The following WHRN variants were observed in gnomAD, a reference collection of about 807,000 sequenced individuals.
The protein encoded by WHRN is CASK-interacting protein CIP98.
Under a neutral mutation model 68.3 loss-of-function variants are expected in WHRN, and 41 were observed. The ratio of observed to expected loss-of-function variants is 0.60; its 90% confidence interval spans 0.47 to 0.78. The LOEUF (loss-of-function observed/expected upper bound fraction) is 0.78, where lower values mean the gene tolerates loss of function less well. WHRN is among the 30% of genes least tolerant of loss of function. The probability of loss-of-function intolerance (pLI) is 0.00; values close to 1 mark genes in which losing one functional copy is unlikely to be tolerated. For missense variants in WHRN, 1,243 were observed against 1,244.7 expected (o/e 1.00, Z 0.02); for synonymous variants, 560 against 561.3 (o/e 1.00, Z 0.03).
intron 3 of WHRN, among the ~76,000 whole-genome samples, chr9:114,445,187 G>A (rs950139735): frequency 3.2e-4 from 48 of 152,058 alleles, no homozygotes; most frequent in African/African-American, 1.0e-3. Context: ...GATTACAGGC[G>A]TGCACCACCA....
At position 114,493,961 on chromosome 9, in the gene WHRN, G is replaced by A. The variant is rs552388479; in HGVS notation, c.618+10223C>T. ...CGTGCTTCTCCGTTAGCAGCCAGCC[G>A]AGAGCCCTGGCAATGAGCATGCACT... is the stretch of plus-strand genomic sequence containing the variant. On this transcript the variant is annotated intron_variant, in intron 1 of 11. Coordinates refer to ENST00000362057, the MANE Select transcript of WHRN (RefSeq NM_015404.4). Among the ~76,000 whole-genome samples, 3 of 152,334 alleles carry A rather than the reference G, an allele frequency of 2.0e-5. No homozygotes were observed. In the East Asian group the frequency reaches 5.8e-4, roughly 29 times the overall value.
chr9:114,504,857 G>C lies in WHRN; in HGVS notation c.-56C>G. On this transcript the variant is annotated 5_prime_UTR_variant, in exon 1 of 12. Coordinates refer to ENST00000362057, the MANE Select transcript of WHRN (RefSeq NM_015404.4). ...CGCGCGGGGTGTGGGCGGTGCCGCTGTCCTCGCGGGTACTGGCGCGACAGC... is the reference window on the plus strand; with the variant it reads ...CGCGCGGGGTGTGGGCGGTGCCGCTCTCCTCGCGGGTACTGGCGCGACAGC... 7.4e-7 allele frequency: 1 copy of C among 1,344,784 alleles called. No homozygotes were observed. The highest frequency in any genetic ancestry group is 9.5e-7 in the Non-Finnish European group (1 of 1,057,900). The allele number at this position is 1,344,784 out of a possible 1,614,324, so 83.3% of individuals were successfully genotyped here.
At chr9:114,412,052 T>G (rs1835476480) in intron 7 of WHRN, among the ~76,000 whole-genome samples, 2 of 150,980 alleles carry the variant, frequency 1.3e-5, no homozygotes, top group Non-Finnish European at 3.0e-5. Flanking sequence ...GTTGGGAGGG[T>G]GAGGGGTAGA....
At chr9:114,501,590 A>G (rs1843933784) in intron 1 of WHRN, among the ~76,000 whole-genome samples, 1 of 149,786 alleles carries the variant, frequency 6.7e-6, no homozygotes, top group African/African-American at 2.5e-5. Context: ...ACACACACTG[A>G]ATCTCTCCGT....
At chr9:114,428,057 G>A (rs1483689755) in intron 3 of WHRN, among the ~76,000 whole-genome samples, 7 of 152,366 alleles carry the variant, frequency 4.6e-5, no homozygotes, top group Admixed American at 6.5e-5. Context: ...GCCAGGCATC[G>A]TGGCTCATGC....
At chr9:114,494,521 C>T (rs1843281396) in intron 1 of WHRN, among the ~76,000 whole-genome samples, 1 of 152,208 alleles carries the variant, frequency 6.6e-6, no homozygotes, top group Non-Finnish European at 1.5e-5. Context: ...CAAGGCCCCA[C>T]AGCTAGAAAG....
At chr9:114,426,086 G>C in intron 4 of WHRN, 125 bp downstream of exon 4, 2 of 1,233,356 alleles carry the variant, frequency 1.6e-6, no homozygotes, top group Non-Finnish European at 1.2e-6. Flanking sequence ...GCCAATGGAG[G>C]GCCCTGGTGT....
chr9:114,417,230 G>A (rs992757107), intron 7 of WHRN, among the ~76,000 whole-genome samples: 2 of 152,318 alleles, frequency 1.3e-5, no homozygotes, highest in Middle Eastern at 3.4e-3. Flanking sequence ...TGCAGAATGA[G>A]CCACATTTAA....
In WHRN at chr9:114,402,627, G is replaced by A; in HGVS notation, c.*127C>T. ...TTCTGGTCCAGTGGGCTGGGATGGAGGGGGGATGTCTTCCTGCCACCCTGG... is the reference window on the plus strand; with the variant it reads ...TTCTGGTCCAGTGGGCTGGGATGGAAGGGGGATGTCTTCCTGCCACCCTGG... On this transcript the variant is annotated 3_prime_UTR_variant, in exon 12 of 12. Coordinates refer to ENST00000362057, the MANE Select transcript of WHRN (RefSeq NM_015404.4). 1 of 1,181,504 alleles carries A rather than the reference G, an allele frequency of 8.5e-7. No individual in the cohort carries two copies. Among genetic ancestry groups the A allele is most frequent in the South Asian group, 1.2e-5 (1 of 81,450 alleles). 73.2% of individuals were successfully genotyped at this position (1,181,504 alleles called of 1,614,324 possible).
At position 114,504,839 on chromosome 9, in the gene WHRN, G is replaced by T; in HGVS notation, c.-38C>A. 1 of 1,366,474 alleles carries T rather than the reference G, an allele frequency of 7.3e-7. No homozygotes were observed. The highest frequency in any genetic ancestry group is 9.3e-7 in the Non-Finnish European group (1 of 1,070,760). 84.6% of individuals were successfully genotyped at this position (1,366,474 alleles called of 1,614,324 possible). On this transcript the variant is annotated 5_prime_UTR_variant, in exon 1 of 12. Transcript: ENST00000362057. ...GCCCGGCCGGGCTCTGAGCGCGCGGGGTGTGGGCGGTGCCGCTGTCCTCGC... is the reference window on the plus strand; with the variant it reads ...GCCCGGCCGGGCTCTGAGCGCGCGGTGTGTGGGCGGTGCCGCTGTCCTCGC...
chr9:114,425,816 G>A, intron 4 of WHRN: 1 of 315,348 alleles, frequency 3.2e-6, no homozygotes, highest in Non-Finnish European at 6.1e-6. Flanking sequence ...TTCTTCATGG[G>A]ATCCAGCCTG....
chr9:114,423,640 T>C, intron 6 of WHRN, 117 bp from the exon 7 acceptor site: 1 of 993,488 alleles, frequency 1.0e-6, no homozygotes, highest in Non-Finnish European at 1.5e-6. Flanking sequence ...CCTCCTTAAC[T>C]GTCTGGCTCC....
chr9:114,494,101 G>C (rs1255835331), intron 1 of WHRN, among the ~76,000 whole-genome samples: 2 of 151,886 alleles, frequency 1.3e-5, no homozygotes, highest in African/African-American at 4.9e-5. Flanking sequence ...GTCCTCTCCC[G>C]GGGGGGTATG....
chr9:114,501,681 T>C (rs1326538199), intron 1 of WHRN, among the ~76,000 whole-genome samples: 2 of 151,860 alleles, frequency 1.3e-5, no homozygotes, highest in Non-Finnish European at 2.9e-5. Context: ...TGAAAACACA[T>C]CTTCTACTAA....
intron 1 of WHRN, among the ~76,000 whole-genome samples, chr9:114,500,846 G>A (rs192982366): frequency 4.1e-4 from 62 of 152,338 alleles, no homozygotes; most frequent in Admixed American, 7.2e-4. Context: ...GCTCTCGTCA[G>A]TACAGTGTAT....
chr9:114,476,679 T>C (rs1338442263), intron 2 of WHRN, among the ~76,000 whole-genome samples: 2 of 152,136 alleles, frequency 1.3e-5, no homozygotes, highest in Non-Finnish European at 2.9e-5. Flanking sequence ...CCAGTGCTCT[T>C]GTCCACTCCC....
At chr9:114,473,618 C>A (rs560022406) in intron 2 of WHRN, among the ~76,000 whole-genome samples, 1 of 152,320 alleles carries the variant, frequency 6.6e-6, no homozygotes, top group Non-Finnish European at 1.5e-5. Context: ...CTGAAAACTG[C>A]AGTGAAGAGA....
intron 8 of WHRN, 43 bp from the exon 9 acceptor site, chr9:114,406,935 C>G (rs543206277): frequency 1.3e-6 from 2 of 1,549,626 alleles, no homozygotes; most frequent in Non-Finnish European, 1.7e-6. Flanking sequence ...CAGACCCCAT[C>G]ACGCCTGGAA....
intron 3 of WHRN, among the ~76,000 whole-genome samples, chr9:114,450,836 C>CAAAA: frequency 1.3e-5 from 2 of 149,886 alleles, no homozygotes; most frequent in African/African-American, 4.9e-5. Context: ...TCCCCCCCCG[C>CAAAA]AAAAAAATAC....
Sources: allele counts gnomAD v4.1 joint callset (sites outside exome capture counted in the v4.1 genomes callset), GRCh38; gene constraint gnomAD v4.1.1; transcripts MANE v1.5; gene names NCBI Gene and HGNC (gene_info 2026-07-23, HGNC 2026-07-21).